The following CNTN5 variants were observed in gnomAD, a reference collection of about 807,000 sequenced individuals.
CNTN5 encodes the protein contactin 5, also known as contactin-5.
A neutral mutation model predicts 129.1 loss-of-function variants in CNTN5; 77 were observed. The ratio of observed to expected loss-of-function variants is 0.60; its 90% confidence interval spans 0.50 to 0.72. CNTN5 has a LOEUF of 0.72. Among genes scored for constraint, CNTN5 ranks in the 30% least tolerant of loss-of-function variants. CNTN5 has a pLI of 0.00. For missense variants in CNTN5, 1,478 were observed against 1,328.8 expected, an observed-to-expected ratio of 1.11 and a Z score of -1.75; for synonymous variants, 509 against 465.6, an observed-to-expected ratio of 1.09 and a Z score of -1.20.
intron 3 of CNTN5, among the ~76,000 whole-genome samples, chr11:99,785,621 G>A (rs1945492698): frequency 6.6e-6 from 1 of 152,070 alleles, no homozygotes; most frequent in African/African-American, 2.4e-5. Flanking sequence ...ACTGAATCTA[G>A]CAGCACATTG....
At chr11:100,060,784 C>T (rs1271363999) in intron 9 of CNTN5, among the ~76,000 whole-genome samples, 2 of 151,592 alleles carry the variant, frequency 1.3e-5, no homozygotes, top group African/African-American at 2.4e-5. Context: ...GGATTATAGG[C>T]GCCCACCACC....
intron 9 of CNTN5, among the ~76,000 whole-genome samples, chr11:100,032,016 A>T (rs1941738326): frequency 6.6e-6 from 1 of 152,196 alleles, no homozygotes. Flanking sequence ...CATAGGAACA[A>T]GGAGAGAGCC....
At chr11:100,055,857 T>G (rs917626023) in intron 9 of CNTN5, among the ~76,000 whole-genome samples, 1 of 151,532 alleles carries the variant, frequency 6.6e-6, no homozygotes, top group Non-Finnish European at 1.5e-5. Context: ...TCTCTCTCTC[T>G]TGCTCTCACT....
chr11:99,678,317 A>G (rs1033252705), intron 3 of CNTN5, among the ~76,000 whole-genome samples: 3 of 151,722 alleles, frequency 2.0e-5, no homozygotes, highest in African/African-American at 7.3e-5. Flanking sequence ...AAAAAATGTT[A>G]CAAAGAAGGA....
chr11:99,831,529 A>C (rs1947139156), intron 4 of CNTN5, among the ~76,000 whole-genome samples: 1 of 152,098 alleles, frequency 6.6e-6, no homozygotes. Context: ...CCATTTGCTG[A>C]GCATACTTTT....
chr11:99,845,017 CT>C, intron 5 of CNTN5, 42 bp downstream of exon 5: 1 of 1,609,498 alleles, frequency 6.2e-7, no homozygotes, highest in Non-Finnish European at 8.5e-7. Context: ...GCCTTAAAAA[CT>C]TTCCATCAAT....
intron 2 of CNTN5, among the ~76,000 whole-genome samples, chr11:99,440,712 T>C (rs1432383194): frequency 6.6e-6 from 1 of 152,122 alleles, no homozygotes; most frequent in Non-Finnish European, 1.5e-5. Context: ...GCAACATGAA[T>C]TGATGATCTT....
rs146211935 is a variant in CNTN5, at chr11:99,078,628, G to A, written c.-210+57358G>A. Among the ~76,000 whole-genome samples, 174 of 152,302 alleles carry A rather than the reference G, an allele frequency of 1.1e-3. 3 individuals carry two copies. Among genetic ancestry groups the A allele is most frequent in the Non-Finnish European group, 1.0e-3 (71 of 68,022 alleles). On this transcript the variant is annotated intron_variant, in intron 1 of 24. Coordinates refer to ENST00000524871, the MANE Select transcript of CNTN5 (RefSeq NM_014361.4). ...TCAGTCACAAAAAGGTTAACATTCT[G>A]TCATTTGCAAGAACATGGATAGAAC...
intron 1 of CNTN5, among the ~76,000 whole-genome samples, chr11:99,225,640 A>G (rs777669463): frequency 6.6e-6 from 1 of 152,176 alleles, no homozygotes; most frequent in Non-Finnish European, 1.5e-5. Context: ...AAATCTGCAT[A>G]ACAATGATCA....
At chr11:99,839,102 G>A (rs1011983938) in intron 4 of CNTN5, among the ~76,000 whole-genome samples, 4 of 151,574 alleles carry the variant, frequency 2.6e-5, no homozygotes, top group East Asian at 3.9e-4. Flanking sequence ...TCATTATTTT[G>A]AAATACAATT....
At chr11:100,262,105 A>G (rs540369131) in intron 17 of CNTN5, among the ~76,000 whole-genome samples, 2 of 152,328 alleles carry the variant, frequency 1.3e-5, no homozygotes, top group East Asian at 3.9e-4. Context: ...TTTACAAGAA[A>G]AAAACAACCC....
intron 3 of CNTN5, among the ~76,000 whole-genome samples, chr11:99,809,152 G>A (rs574248712): frequency 3.3e-5 from 5 of 152,232 alleles, no homozygotes; most frequent in South Asian, 4.1e-4. Context: ...CTCTATGGGG[G>A]AGAATGATGT....
rs531216277 is a variant in CNTN5, at chr11:99,785,096, G to A, written c.56-34448G>A. Among the ~76,000 whole-genome samples the A allele has an allele frequency of 7.2e-5, 11 of 152,068 alleles. No homozygotes were observed. The South Asian group carries it at 1.9e-3, about 26-fold the overall frequency. On this transcript the variant is annotated intron_variant, in intron 3 of 24. Coordinates refer to ENST00000524871, the MANE Select transcript of CNTN5 (RefSeq NM_014361.4). ...TGCCTCCCAAAGTGCTGGGATTACA[G>A]GCGTGAGCCACCGCACCCTGCCCTT...
At chr11:99,590,451 A>G (rs1591327094) in intron 3 of CNTN5, among the ~76,000 whole-genome samples, 2 of 152,206 alleles carry the variant, frequency 1.3e-5, no homozygotes, top group Admixed American at 6.5e-5. Context: ...CAATGATATT[A>G]ATTAATTGAC....
chr11:100,068,444 G>A (rs764525639), intron 10 of CNTN5, among the ~76,000 whole-genome samples: 3 of 152,138 alleles, frequency 2.0e-5, no homozygotes, highest in Non-Finnish European at 4.4e-5. Flanking sequence ...AACACTCTAT[G>A]TAGAGTGAAC....
At chr11:99,063,553 C>T (rs910945918) in intron 1 of CNTN5, among the ~76,000 whole-genome samples, 3 of 132,742 alleles carry the variant, frequency 2.3e-5, no homozygotes, top group African/African-American at 8.6e-5. Context: ...AATAAATAAA[C>T]GCATGAGCAT....
intron 3 of CNTN5, among the ~76,000 whole-genome samples, chr11:99,803,894 T>C (rs1186950072): frequency 3.9e-5 from 6 of 152,228 alleles, no homozygotes; most frequent in African/African-American, 1.4e-4. Context: ...GCTCACAGAA[T>C]TGATCTTTAC....
chr11:99,257,194 A>C, intron 1 of CNTN5, among the ~76,000 whole-genome samples: 1 of 152,148 alleles, frequency 6.6e-6, no homozygotes, highest in Middle Eastern at 3.2e-3. Flanking sequence ...TTAGGAATAA[A>C]AACTCTATTG....
intron 3 of CNTN5, among the ~76,000 whole-genome samples, chr11:99,637,506 T>C (rs1951606377): frequency 6.6e-6 from 1 of 152,196 alleles, no homozygotes. Context: ...TTTCAGGTGG[T>C]TGATGAAGAC....
Sources: allele counts gnomAD v4.1 joint callset (sites outside exome capture counted in the v4.1 genomes callset), GRCh38; gene constraint gnomAD v4.1.1; transcripts MANE v1.5; gene names NCBI Gene and HGNC (gene_info 2026-07-23, HGNC 2026-07-21).